Variants in CSTA observed in about 807,000 individuals in gnomAD.
CSTA encodes the protein cystatin A.
In CSTA, 9 loss-of-function variants were observed where a neutral mutation model predicts 9.2. The observed-to-expected ratio is 0.97, with a 90% CI of 0.59 to 1.70. The LOEUF (loss-of-function observed/expected upper bound fraction) is 1.70, where lower values mean the gene tolerates loss of function less well. Ranked by LOEUF, CSTA falls within the 40% of genes most tolerant of loss-of-function variation. The pLI is 0.00. For missense variants in CSTA, 118 were observed against 113.1 expected, an observed-to-expected ratio of 1.04 and a Z score of -0.20; for synonymous variants, 36 against 40.6, an observed-to-expected ratio of 0.89 and a Z score of 0.43.
At chr3:122,327,749 TA>T (rs35350263) in intron 1 of CSTA, among the ~76,000 whole-genome samples, 143,221 of 152,002 alleles carry the variant, frequency 0.94, 68,030 homozygotes, top group East Asian at 1. Flanking sequence ...TCCCTGACCC[TA>T]AAAAAATCCC....
chr3:122,325,420 T>C, intron 1 of CSTA, 62 bp downstream of exon 1: 1 of 1,502,356 alleles, frequency 6.7e-7, no homozygotes, highest in African/African-American at 1.4e-5. Flanking sequence ...GTTGTCCCTG[T>C]GGAAAGGCTG....
At chr3:122,332,776 G>C (rs1040417136) in intron 1 of CSTA, among the ~76,000 whole-genome samples, 3 of 152,154 alleles carry the variant, frequency 2.0e-5, no homozygotes, top group African/African-American at 7.2e-5. Flanking sequence ...ACTGAGAAAG[G>C]TGAAGGCCAA....
intron 1 of CSTA, among the ~76,000 whole-genome samples, chr3:122,328,037 G>T (rs1037511966): frequency 6.6e-6 from 1 of 152,170 alleles, no homozygotes. Flanking sequence ...GAGGTAGAAT[G>T]AGAGATAAGT....
At position 122,332,263 on chromosome 3, in the gene CSTA, C is replaced by T. The variant is rs574628388; in HGVS notation, c.67-5284C>T. Among the ~76,000 whole-genome samples the T allele has an allele frequency of 5.3e-5, 8 of 152,306 alleles. No individual in the cohort carries two copies. In the East Asian group the frequency reaches 1.3e-3, roughly 26 times the overall value. ...TAGACTCTATTCTCCTCTCTTCAGC[C>T]AGTCCTTCCTCTCTTAGCCAGGTGA... is the stretch of plus-strand genomic sequence containing the variant. On this transcript the variant is annotated intron_variant, in intron 1 of 2. Transcript: ENST00000264474.
intron 2 of CSTA, among the ~76,000 whole-genome samples, chr3:122,340,844 T>C (rs1048199793): frequency 1.3e-5 from 2 of 152,138 alleles, no homozygotes; most frequent in Non-Finnish European, 2.9e-5. Flanking sequence ...GCTCCATGCA[T>C]CTTTGAAAAT....
At chr3:122,337,116 T>G (rs1227413772) in intron 1 of CSTA, among the ~76,000 whole-genome samples, 1 of 152,214 alleles carries the variant, frequency 6.6e-6, no homozygotes, top group Non-Finnish European at 1.5e-5. Context: ...TTGGTGATTA[T>G]ACTATGTTAT....
intron 2 of CSTA, 33 bp from the exon 3 acceptor site, chr3:122,341,406 C>T (rs1242742850): frequency 7.4e-6 from 12 of 1,612,058 alleles, no homozygotes; most frequent in Non-Finnish European, 1.0e-5. Flanking sequence ...GAATGAATCT[C>T]CTTTTGCTTT....
chr3:122,340,493 CA>C (rs993706702), intron 2 of CSTA, among the ~76,000 whole-genome samples: 3 of 151,972 alleles, frequency 2.0e-5, no homozygotes, highest in African/African-American at 7.2e-5. Context: ...TAGTAGAGAC[CA>C]GATTTCACCA....
At chr3:122,331,716 G>A (rs963462950) in intron 1 of CSTA, among the ~76,000 whole-genome samples, 4 of 152,166 alleles carry the variant, frequency 2.6e-5, no homozygotes, top group Non-Finnish European at 5.9e-5. Context: ...GAACATTCTT[G>A]CAGTCATATT....
intron 2 of CSTA, chr3:122,338,352 T>A (rs1174522933): frequency 1.3e-5 from 2 of 152,170 alleles, no homozygotes; most frequent in Non-Finnish European, 2.9e-5. Context: ...ATTAAGAAGA[T>A]GATAATGCTG....
intron 1 of CSTA, among the ~76,000 whole-genome samples, chr3:122,330,864 G>T (rs964323421): frequency 1.3e-5 from 2 of 152,006 alleles, no homozygotes; most frequent in Admixed American, 1.3e-4. Flanking sequence ...CATCCAGAAA[G>T]ACAGAGCCAT....
chr3:122,326,075 A>G (rs1049520841), intron 1 of CSTA, among the ~76,000 whole-genome samples: 1 of 152,064 alleles, frequency 6.6e-6, no homozygotes, highest in Non-Finnish European at 1.5e-5. Flanking sequence ...CTGGAGTGCA[A>G]TGGTCTGATC....
At chr3:122,341,288 A>T (rs1316346912) in intron 2 of CSTA, 151 bp from the exon 3 acceptor site, 2 of 768,900 alleles carry the variant, frequency 2.6e-6, no homozygotes, top group African/African-American at 3.5e-5. Context: ...TTATGAATAC[A>T]AAGAGTCTAA....
chr3:122,334,943 A>G (rs1282022846), intron 1 of CSTA, among the ~76,000 whole-genome samples: 5 of 152,174 alleles, frequency 3.3e-5, no homozygotes, highest in African/African-American at 1.2e-4. Context: ...CAAAAGCAAG[A>G]GGACTGATCT....
At chr3:122,326,862 GC>G (rs960554697) in intron 1 of CSTA, among the ~76,000 whole-genome samples, 5 of 152,204 alleles carry the variant, frequency 3.3e-5, no homozygotes, top group African/African-American at 9.7e-5. Context: ...AAGTGCTGCT[GC>G]TGCTGCCACC....
Position 122,341,453 on chromosome 3 carries a change from T to C in CSTA, c.183T>C (p.Asp61=). The C allele has an allele frequency of 6.2e-7, 1 of 1,613,994 alleles. No homozygotes were observed. Among genetic ancestry groups the C allele is most frequent in the Non-Finnish European group, 8.5e-7 (1 of 1,179,908 alleles). ...TNYYIKVRAG[D]NKYMHLKVFK... ...ATATTTTTCAGGTACGAGCAGGTGA[T>C]AATAAATATATGCACTTGAAAGTAT... Residue 61 remains aspartate (D), a synonymous_variant, in exon 3 of 3, where the codon GAT becomes GAC. Transcript: ENST00000264474.
chr3:122,337,555 AC>A lies in CSTA; in HGVS notation c.76del (p.Gln26SerfsTer42), dbSNP rs750560652. On this transcript the variant is annotated frameshift_variant, in exon 2 of 3. Coordinates refer to ENST00000264474, the MANE Select transcript of CSTA (RefSeq NM_005213.4). LOFTEE classifies it high-confidence loss of function. ...TCTTTTCTTTTCTTTAGGTTAAACC[AC>A]AGCTTGAAGAAAAAACAAATGAGAC... ...IQEIVDKVKP[Q>X]LEEKTNETYG... 1.2e-6 allele frequency: 2 copies of A among 1,608,452 alleles called. No individual in the cohort carries two copies. Among genetic ancestry groups the A allele is most frequent in the Non-Finnish European group, 1.7e-6 (2 of 1,174,858 alleles).
rs778366890 is a variant in CSTA at position 122,325,350 on chromosome 3, G to A, written c.58G>A (p.Val20Ile). The A allele has an allele frequency of 6.2e-7, 1 of 1,614,058 alleles. No individual in the cohort carries two copies. The highest frequency in any genetic ancestry group is 8.5e-7 in the Non-Finnish European group (1 of 1,180,026). ...CGCCACTCCAGAAATCCAGGAGATT[G>A]TTGATAAGGTGAGTTGATGCCATTC... Reference protein sequence around the residue: ...KPATPEIQEIVDKVKPQLEEK... With the variant: ...KPATPEIQEIIDKVKPQLEEK... The change falls in exon 1 of 3, where the codon GTT becomes ATT. Residue 20 changes from valine to isoleucine, a missense_variant. Physicochemically the swap from Val to Ile is conservative, Grantham distance 29 (BLOSUM62 3). Coordinates refer to ENST00000264474, the MANE Select transcript of CSTA (RefSeq NM_005213.4).
intron 1 of CSTA, among the ~76,000 whole-genome samples, chr3:122,331,134 C>T (rs1321002715): frequency 4.6e-5 from 7 of 151,854 alleles, no homozygotes; most frequent in Non-Finnish European, 1.0e-4. Flanking sequence ...CACACACACA[C>T]ACACACACAC....
Sources: allele counts gnomAD v4.1 joint callset (sites outside exome capture counted in the v4.1 genomes callset), GRCh38; gene constraint gnomAD v4.1.1; transcripts MANE v1.5; gene names NCBI Gene and HGNC (gene_info 2026-07-23, HGNC 2026-07-21).